The following SGCZ variants were observed in gnomAD, a reference collection of about 807,000 sequenced individuals.
SGCZ encodes sarcoglycan zeta, also known as zeta-sarcoglycan.
A neutral mutation model predicts 41.3 loss-of-function variants in SGCZ; 40 were observed. The ratio of observed to expected loss-of-function variants is 0.97; its 90% confidence interval spans 0.75 to 1.26. The LOEUF (loss-of-function observed/expected upper bound fraction) is 1.26. Ranked by LOEUF, SGCZ falls within the 50% of genes most tolerant of loss-of-function variation. The pLI is 0.00. For synonymous variants in SGCZ, 206 were observed against 137.5 expected (o/e 1.50, Z -3.49); for missense variants, 552 against 369.8 (o/e 1.49, Z -4.04).
At chr8:15,161,228 A>G (rs556684052) in intron 1 of SGCZ, among the ~76,000 whole-genome samples, 1 of 152,110 alleles carries the variant, frequency 6.6e-6, no homozygotes, top group African/African-American at 2.4e-5. Context: ...CATGGACTTT[A>G]AACGCTCTCC....
chr8:15,048,455 A>G (rs1804393371), intron 1 of SGCZ, among the ~76,000 whole-genome samples: 1 of 152,092 alleles, frequency 6.6e-6, no homozygotes, highest in South Asian at 2.1e-4. Context: ...TTCATTGTGT[A>G]CTTCAAAATA....
intron 1 of SGCZ, among the ~76,000 whole-genome samples, chr8:14,690,985 T>C (rs750979924): frequency 6.6e-5 from 10 of 152,176 alleles, no homozygotes; most frequent in Non-Finnish European, 1.2e-4. Context: ...CAGGTGAACA[T>C]AAGCTTAGAA....
intron 2 of SGCZ, among the ~76,000 whole-genome samples, chr8:14,535,832 T>C (rs1181170088): frequency 6.6e-6 from 1 of 151,696 alleles, no homozygotes; most frequent in Non-Finnish European, 1.5e-5. Flanking sequence ...ATTATCCAAG[T>C]TAGAGAAAAA....
At chr8:14,185,556 G>C (rs948231280) in intron 4 of SGCZ, among the ~76,000 whole-genome samples, 2 of 151,766 alleles carry the variant, frequency 1.3e-5, no homozygotes, top group African/African-American at 4.8e-5. Flanking sequence ...TTTCTCACTA[G>C]CATCTGACTC....
chr8:14,991,504 G>A (rs955796309), intron 1 of SGCZ, among the ~76,000 whole-genome samples: 3 of 151,910 alleles, frequency 2.0e-5, no homozygotes, highest in African/African-American at 7.3e-5. Flanking sequence ...GTCTACCTTC[G>A]GCCCAGCTCA....
At chr8:14,228,245 C>T (rs562330074) in intron 4 of SGCZ, among the ~76,000 whole-genome samples, 5 of 152,022 alleles carry the variant, frequency 3.3e-5, no homozygotes, top group Non-Finnish European at 7.4e-5. Flanking sequence ...GCAATTCCGA[C>T]GTCCCACAAA....
At chr8:14,253,755 C>T (rs531430652) in intron 3 of SGCZ, among the ~76,000 whole-genome samples, 18 of 152,088 alleles carry the variant, frequency 1.2e-4, no homozygotes, top group East Asian at 5.8e-4. Context: ...CTTTACAGAA[C>T]GAGCTATCTA....
At chr8:14,177,958 C>CTTTTCTTTTTTTTTCTTT (rs767919994) in intron 4 of SGCZ, among the ~76,000 whole-genome samples, 40 of 95,054 alleles carry the variant, frequency 4.2e-4, no homozygotes, top group East Asian at 1.4e-3. Flanking sequence ...CTTTTTTTTT[C>CTTTTCTTTTTTTTTCTTT]TTTTTTTTTT....
At chr8:14,501,546 C>T (rs1411929053) in intron 2 of SGCZ, among the ~76,000 whole-genome samples, 3 of 150,928 alleles carry the variant, frequency 2.0e-5, no homozygotes, top group South Asian at 2.1e-4. Context: ...AGATCTATAT[C>T]GTTGTAAACT....
intron 1 of SGCZ, among the ~76,000 whole-genome samples, chr8:14,871,201 C>T (rs1804136158): frequency 6.6e-6 from 1 of 151,836 alleles, no homozygotes; most frequent in Admixed American, 6.6e-5. Flanking sequence ...GAGTGAAACG[C>T]TCTCTCAACA....
chr8:15,192,495 T>G (rs1391105100), intron 1 of SGCZ, among the ~76,000 whole-genome samples: 1 of 152,188 alleles, frequency 6.6e-6, no homozygotes, highest in African/African-American at 2.4e-5. Context: ...TCATTGTAAC[T>G]GAGCATCAGT....
intron 1 of SGCZ, among the ~76,000 whole-genome samples, chr8:15,023,873 T>C (rs1201926094): frequency 6.6e-6 from 1 of 152,174 alleles, no homozygotes; most frequent in African/African-American, 2.4e-5. Context: ...ACTTCTTCTG[T>C]TTATTCTGGT....
At chr8:15,214,682 G>A (rs567336076) in intron 1 of SGCZ, among the ~76,000 whole-genome samples, 4 of 152,152 alleles carry the variant, frequency 2.6e-5, no homozygotes, top group African/African-American at 9.6e-5. Flanking sequence ...TCTTCCTAAG[G>A]GAGGCATATT....
intron 1 of SGCZ, among the ~76,000 whole-genome samples, chr8:15,036,545 G>A (rs943507991): frequency 5.9e-5 from 9 of 151,910 alleles, no homozygotes; most frequent in South Asian, 4.1e-4. Context: ...TGTCCTACAC[G>A]TGTACCCCGA....
intron 2 of SGCZ, among the ~76,000 whole-genome samples, chr8:14,534,247 G>A (rs1803226361): frequency 1.3e-5 from 2 of 151,860 alleles, no homozygotes; most frequent in South Asian, 4.1e-4. Flanking sequence ...CTGGCACAGA[G>A]AAGAGGGAAG....
chr8:14,926,694 G>A (rs1416771332), intron 1 of SGCZ, among the ~76,000 whole-genome samples: 1 of 151,930 alleles, frequency 6.6e-6, no homozygotes, highest in African/African-American at 2.4e-5. Context: ...AGACTGGAGT[G>A]CAGTGGCATG....
chr8:14,699,571 G>A (rs1809070748), intron 1 of SGCZ, among the ~76,000 whole-genome samples: 2 of 151,780 alleles, frequency 1.3e-5, no homozygotes, highest in African/African-American at 4.8e-5. Flanking sequence ...AAAATGTATG[G>A]CTACATTTCC....
intron 1 of SGCZ, among the ~76,000 whole-genome samples, chr8:15,087,477 C>A (rs1298330207): frequency 2.0e-5 from 3 of 152,052 alleles, no homozygotes; most frequent in African/African-American, 4.8e-5. Flanking sequence ...TTGGTTTTGG[C>A]ACGTTTTTGA....
chr8:14,226,854 A>G lies in SGCZ; in HGVS notation c.424+10738T>C, dbSNP rs138907407. ...AAAAGTTCCAGTAGCTTTGTATCCA[A>G]TCTAACACAGTATTGTCTGCATCTT... On this transcript the variant is annotated intron_variant, in intron 4 of 7. Coordinates refer to ENST00000382080, the MANE Select transcript of SGCZ (RefSeq NM_139167.4). 5.6e-3 allele frequency among the ~76,000 whole-genome samples: 858 copies of G among 152,192 alleles called. 15 individuals are homozygous for G. The highest frequency in any genetic ancestry group is 0.02 in the African/African-American group (829 of 41,536).
Sources: gnomAD v4.1 joint callset for allele counts (sites outside exome capture counted in the v4.1 genomes callset) on GRCh38, gnomAD v4.1.1 for gene constraint, MANE v1.5 for transcripts, NCBI Gene and HGNC (gene_info 2026-07-23, HGNC 2026-07-21) for gene names.